RERE: variants seen among roughly 807,000 people sequenced by gnomAD.
RERE encodes arginine-glutamic acid dipeptide repeats protein.
In RERE, 40 loss-of-function variants were observed where a neutral mutation model predicts 146.1. The ratio of observed to expected loss-of-function variants is 0.27; its 90% CI spans 0.21 to 0.36. RERE has a LOEUF of 0.36. Among genes scored for constraint, RERE ranks in the 10% least tolerant of loss-of-function variants. The probability of loss-of-function intolerance (pLI) is 1.00; values close to 1 mark genes in which losing one functional copy is unlikely to be tolerated. For synonymous variants in RERE, 1,003 were observed against 866.0 expected, an observed-to-expected ratio of 1.16 and a Z score of -2.78; for missense variants, 1,933 against 2,138.7, an observed-to-expected ratio of 0.90 and a Z score of 1.90.
intron 7 of RERE, among the ~76,000 whole-genome samples, chr1:8,513,519 A>G (rs1645370309): frequency 6.6e-6 from 1 of 152,144 alleles, no homozygotes; most frequent in Non-Finnish European, 1.5e-5. Flanking sequence ...CAAAAACTCA[A>G]CAAGTTCCCG....
chr1:8,793,772 GA>G lies in RERE; in HGVS notation c.-145+23387del, dbSNP rs550275914. Among the ~76,000 whole-genome samples, 150 of 152,238 alleles carry G rather than the reference GA, an allele frequency of 9.9e-4. 1 individual carries two copies. Among genetic ancestry groups the G allele is most frequent in the Middle Eastern group, 6.8e-3 (2 of 294 alleles). On this transcript the variant is annotated intron_variant, in intron 1 of 22. Coordinates refer to ENST00000400908, the MANE Select transcript of RERE (RefSeq NM_001042681.2). The stretch of plus-strand genomic sequence containing the variant: ...TCTTATTTCCTTGATGATTAGACTG[GA>G]ATAAACAATTTGAGGGCAGGTACTA...
At chr1:8,767,108 G>A (rs1640863711) in intron 1 of RERE, among the ~76,000 whole-genome samples, 2 of 152,246 alleles carry the variant, frequency 1.3e-5, no homozygotes, top group African/African-American at 2.4e-5. Flanking sequence ...ACAATAAATT[G>A]ACTATTCATT....
At chr1:8,617,830 G>C (rs1646872559) in intron 3 of RERE, among the ~76,000 whole-genome samples, 1 of 152,106 alleles carries the variant, frequency 6.6e-6, no homozygotes, top group Admixed American at 6.5e-5. Flanking sequence ...TTATGACTTT[G>C]GCTACATTCA....
At chr1:8,721,457 G>A (rs1042168838) in intron 1 of RERE, among the ~76,000 whole-genome samples, 2 of 152,068 alleles carry the variant, frequency 1.3e-5, no homozygotes, top group Non-Finnish European at 2.9e-5. Context: ...GACTGAAGGT[G>A]CCCACTACCA....
intron 11 of RERE, chr1:8,465,407 C>T: frequency 3.9e-6 from 1 of 257,938 alleles, no homozygotes; most frequent in South Asian, 4.3e-5. Context: ...AGTCACCAAG[C>T]CAAGCATGGT....
At chr1:8,547,021 A>G (rs1448422135) in intron 6 of RERE, among the ~76,000 whole-genome samples, 2 of 151,764 alleles carry the variant, frequency 1.3e-5, no homozygotes, top group Non-Finnish European at 2.9e-5. Context: ...TCAAACTGGC[A>G]TTTCTCCACA....
chr1:8,423,869 G>GGGCCCCGCGCCCC lies in RERE; in HGVS notation c.1204-1075_1204-1063dup, dbSNP rs1405272070. ...CCGCCGCCCTCCTGTCCGCCAGCCG[G>GGGCCCCGCGCCCC]GGCCCCGCGCCCCGGCCCCGGCCCC... On this transcript the variant is annotated intron_variant, in intron 11 of 22. Transcript: ENST00000400908. The surrounding 1 kb of genome is among the most constrained non-coding windows in gnomAD (Gnocchi z 5.4). 1.1e-5 allele frequency: 2 copies of GGGCCCCGCGCCCC among 184,524 alleles called. No individual in the cohort carries two copies. The highest frequency in any genetic ancestry group is 4.8e-5 in the African/African-American group (2 of 41,658). 11.4% of individuals were successfully genotyped at this position (184,524 alleles called of 1,614,324 possible). A position where few individuals can be genotyped will look rare whatever the true frequency, so the allele number is the denominator to read the frequency against.
At chr1:8,362,620 A>C in intron 16 of RERE, 63 bp downstream of exon 16, 1 of 1,606,050 alleles carries the variant, frequency 6.2e-7, no homozygotes, top group South Asian at 1.1e-5. Flanking sequence ...CACGAATACC[A>C]GCAAACCAGT....
chr1:8,563,660 C>T (rs1646104495), intron 4 of RERE, among the ~76,000 whole-genome samples: 1 of 152,182 alleles, frequency 6.6e-6, no homozygotes, highest in Admixed American at 6.5e-5. Context: ...GAGTAACCTC[C>T]TGCATATATT....
At chr1:8,723,099 T>C (rs1255232398) in intron 1 of RERE, among the ~76,000 whole-genome samples, 1 of 152,180 alleles carries the variant, frequency 6.6e-6, no homozygotes, top group South Asian at 2.1e-4. Flanking sequence ...GAGTCTCTCT[T>C]AACACAGCTA....
intron 8 of RERE, among the ~76,000 whole-genome samples, chr1:8,502,243 C>CT (rs1570353275): frequency 8.9e-6 from 1 of 111,912 alleles, no homozygotes; most frequent in Non-Finnish European, 1.9e-5. Flanking sequence ...CCAGCCACCC[C>CT]GTCCGGGAGG....
intron 1 of RERE, among the ~76,000 whole-genome samples, chr1:8,766,116 A>C (rs2124538348): frequency 6.6e-6 from 1 of 152,262 alleles, no homozygotes; most frequent in South Asian, 2.1e-4. Context: ...ATCTCAAAAC[A>C]ACAACAACAA....
chr1:8,480,143 G>GTT (rs375571417), intron 10 of RERE, among the ~76,000 whole-genome samples: 30 of 105,420 alleles, frequency 2.8e-4, no homozygotes, highest in Non-Finnish European at 3.2e-4. Flanking sequence ...TTTTTTTTTT[G>GTT]TTTTTTTTTT....
chr1:8,605,845 C>CTTTTTTTTTTTTTTTTTTTTTT (rs60346942), intron 4 of RERE, among the ~76,000 whole-genome samples: 1 of 93,214 alleles, frequency 1.1e-5, no homozygotes, highest in African/African-American at 4.3e-5. Flanking sequence ...AAATACCAAA[C>CTTTTTTTTTTTTTTTTTTTTTT]TTTTTTTTTT....
intron 21 of RERE, 137 bp downstream of exon 21, chr1:8,355,963 A>T: frequency 1.1e-6 from 1 of 878,874 alleles, no homozygotes; most frequent in Non-Finnish European, 1.7e-6. Context: ...TCCCCCACGG[A>T]CCCCCTGCAT....
At position 8,361,005 on chromosome 1, in the gene RERE, G is replaced by A; in HGVS notation, c.2502C>T (p.Gly834=). ...GGGCATGAGAGGGTGCAGAAGGCTG[G>A]CCCGCCGACCCAGTCAGAGGCTGCA... is the stretch of plus-strand genomic sequence containing the variant. ...PPLQPLTGSA[G]QPSAPSHAQP... is the part of the protein sequence containing the mutation. The change falls in exon 18 of 23, where the codon GGC becomes GGT. Residue 834 remains glycine (G), a synonymous_variant. Transcript: ENST00000400908. 1 of 1,437,068 alleles carries A rather than the reference G, an allele frequency of 7.0e-7. No homozygotes were observed. Among genetic ancestry groups the A allele is most frequent in the Non-Finnish European group, 9.1e-7 (1 of 1,101,320 alleles). The allele number at this position is 1,437,068 out of a possible 1,614,324, so 89.0% of individuals were successfully genotyped here.
intron 1 of RERE, among the ~76,000 whole-genome samples, chr1:8,761,173 T>A (rs1016225565): frequency 1.3e-5 from 2 of 152,148 alleles, no homozygotes; most frequent in Admixed American, 1.3e-4. Flanking sequence ...AAAGGAAGAA[T>A]CTGAGTTCTT....
chr1:8,688,050 G>T (rs1443969050), intron 1 of RERE, among the ~76,000 whole-genome samples: 2 of 152,134 alleles, frequency 1.3e-5, no homozygotes, highest in Non-Finnish European at 2.9e-5. Flanking sequence ...ACTTAAGAGG[G>T]TCTAACATAC....
At chr1:8,372,507 C>CGTGTGTGTGTGTGTGT (rs6143111) in intron 12 of RERE, among the ~76,000 whole-genome samples, 6,409 of 131,702 alleles carry the variant, frequency 0.049, 242 homozygotes, top group East Asian at 0.08. Flanking sequence ...ACCATCAGGT[C>CGTGTGTGTGTGTGTGT]GTGTGTGTGT....
Sources: allele counts gnomAD v4.1 joint callset (sites outside exome capture counted in the v4.1 genomes callset), GRCh38; gene constraint gnomAD v4.1.1; non-coding constraint Gnocchi (gnomAD v3.1); transcripts MANE v1.5; gene names NCBI Gene and HGNC (gene_info 2026-07-23, HGNC 2026-07-21).